The following FTO variants were observed in gnomAD, a reference collection of about 807,000 sequenced individuals.
FTO encodes the protein alpha-ketoglutarate-dependent dioxygenase FTO.
A neutral mutation model predicts 63.9 loss-of-function variants in FTO; 47 were observed. The observed-to-expected ratio is 0.74, with a 90% CI of 0.58 to 0.94. The LOEUF (loss-of-function observed/expected upper bound fraction) is 0.94. FTO is among the 40% of genes least tolerant of loss of function. FTO has a pLI of 0.00. For missense variants in FTO, 562 were observed against 618.1 expected (o/e 0.91, Z 0.96); for synonymous variants, 207 against 224.4 (o/e 0.92, Z 0.69).
At chr16:54,066,457 T>C (rs1108086) in intron 8 of FTO, among the ~76,000 whole-genome samples, 36,690 of 152,200 alleles carry the variant, frequency 0.24, 6,586 homozygotes, top group African/African-American at 0.5. Context: ...TATATAGCTT[T>C]GCCCTTCATA....
chr16:53,750,188 C>A (rs2076751719), intron 1 of FTO, among the ~76,000 whole-genome samples: 3 of 152,098 alleles, frequency 2.0e-5, no homozygotes, highest in African/African-American at 7.2e-5. Context: ...TAACTTATAT[C>A]AAAGTCTGGC....
intron 7 of FTO, among the ~76,000 whole-genome samples, chr16:53,909,650 G>A (rs943750582): frequency 1.4e-5 from 2 of 138,890 alleles, no homozygotes; most frequent in East Asian, 2.4e-4. Flanking sequence ...TGCAGCCTCC[G>A]CCTCCCAGGT....
chr16:53,775,121 A>C (rs940741614), intron 1 of FTO, among the ~76,000 whole-genome samples: 1 of 152,170 alleles, frequency 6.6e-6, no homozygotes. Flanking sequence ...ATAGGAAGGC[A>C]CAATAAGAGG....
intron 7 of FTO, among the ~76,000 whole-genome samples, chr16:53,914,786 A>G (rs1017065867): frequency 4.6e-5 from 7 of 152,204 alleles, no homozygotes; most frequent in Non-Finnish European, 1.5e-5. Context: ...CAGCTGTACA[A>G]CAAGCATCTG....
chr16:53,872,093 T>G (rs1405073126), intron 4 of FTO, among the ~76,000 whole-genome samples: 1 of 152,188 alleles, frequency 6.6e-6, no homozygotes, highest in African/African-American at 2.4e-5. Flanking sequence ...GCCTTTAACC[T>G]AGGACTCATT....
At chr16:53,907,581 A>G (rs186589546) in intron 7 of FTO, among the ~76,000 whole-genome samples, 2 of 152,298 alleles carry the variant, frequency 1.3e-5, no homozygotes, top group African/African-American at 2.4e-5. Flanking sequence ...CAGACAAACC[A>G]TCATAAGTCA....
At chr16:53,784,354 T>A (rs1372033198) in intron 1 of FTO, among the ~76,000 whole-genome samples, 1 of 152,168 alleles carries the variant, frequency 6.6e-6, no homozygotes, top group Non-Finnish European at 1.5e-5. Context: ...TGTCTTTTCA[T>A]GTGGGTTAGC....
At chr16:53,836,942 T>G (rs924018949) in intron 3 of FTO, among the ~76,000 whole-genome samples, 1 of 152,206 alleles carries the variant, frequency 6.6e-6, no homozygotes, top group Non-Finnish European at 1.5e-5. Context: ...AATGACCCTC[T>G]TTTGATTAAC....
intron 8 of FTO, among the ~76,000 whole-genome samples, chr16:53,940,180 A>C (rs1291965075): frequency 6.6e-6 from 1 of 151,788 alleles, no homozygotes; most frequent in Admixed American, 6.6e-5. Flanking sequence ...TTTGGACTGT[A>C]GATATCCTAG....
intron 8 of FTO, chr16:53,992,242 C>T (rs1375659846): frequency 6.6e-6 from 1 of 152,134 alleles, no homozygotes; most frequent in Non-Finnish European, 1.5e-5. Flanking sequence ...TAAACCAGTT[C>T]AAGATGCTTT....
At chr16:53,915,308 A>G (rs1420941336) in intron 7 of FTO, among the ~76,000 whole-genome samples, 2 of 152,194 alleles carry the variant, frequency 1.3e-5, no homozygotes, top group Non-Finnish European at 2.9e-5. Context: ...CTGTTACTAT[A>G]GTGAACCATG....
intron 3 of FTO, among the ~76,000 whole-genome samples, chr16:53,840,930 C>T (rs181712057): frequency 2.0e-5 from 3 of 151,866 alleles, no homozygotes; most frequent in Admixed American, 2.0e-4. Context: ...GTTGGCAACT[C>T]ATTTAGATTT....
At chr16:53,725,514 AT>A (rs971070208) in intron 1 of FTO, among the ~76,000 whole-genome samples, 1 of 152,134 alleles carries the variant, frequency 6.6e-6, no homozygotes, top group Non-Finnish European at 1.5e-5. Flanking sequence ...CATAATTTCT[AT>A]TTTTTGCCTA....
At chr16:53,796,290 C>G (rs1405604072) in intron 1 of FTO, among the ~76,000 whole-genome samples, 1 of 152,076 alleles carries the variant, frequency 6.6e-6, no homozygotes, top group Non-Finnish European at 1.5e-5. Context: ...GTGATCGGCC[C>G]GCATTGGCCT....
At chr16:53,887,389 G>A (rs2081028003) in intron 6 of FTO, among the ~76,000 whole-genome samples, 1 of 152,096 alleles carries the variant, frequency 6.6e-6, no homozygotes, top group Admixed American at 6.5e-5. Context: ...GCTTAGACCT[G>A]GGTTGCATAT....
chr16:53,736,076 T>G (rs2076384928), intron 1 of FTO, among the ~76,000 whole-genome samples: 1 of 152,228 alleles, frequency 6.6e-6, no homozygotes, highest in Non-Finnish European at 1.5e-5. Context: ...GTCTTATTAT[T>G]ATTATGTCCA....
intron 6 of FTO, among the ~76,000 whole-genome samples, chr16:53,885,839 C>G (rs2080982679): frequency 6.6e-6 from 1 of 152,184 alleles, no homozygotes; most frequent in Non-Finnish European, 1.5e-5. Context: ...GCCTGGACCT[C>G]CTGGCTCAAG....
At chr16:53,755,100 G>T (rs572274460) in intron 1 of FTO, among the ~76,000 whole-genome samples, 1 of 152,218 alleles carries the variant, frequency 6.6e-6, no homozygotes, top group Non-Finnish European at 1.5e-5. Context: ...TTAGCTGACT[G>T]ACTATGACCA....
chr16:53,841,578 A>AT, intron 3 of FTO, among the ~76,000 whole-genome samples: 2 of 151,926 alleles, frequency 1.3e-5, no homozygotes, highest in Non-Finnish European at 2.9e-5. Flanking sequence ...TGATGTGTTC[A>AT]TTTTCACCAT....
Sources: allele counts gnomAD v4.1 joint callset (sites outside exome capture counted in the v4.1 genomes callset), GRCh38; gene constraint gnomAD v4.1.1; transcripts MANE v1.5; gene names NCBI Gene and HGNC (gene_info 2026-07-23, HGNC 2026-07-21).